PCDHGA5: variants seen among roughly 807,000 people sequenced by gnomAD.
The protein encoded by PCDHGA5 is protocadherin gamma subfamily A, 5, also known as protocadherin gamma-A5.
Under a neutral mutation model 56.7 loss-of-function variants are expected in PCDHGA5, and 36 were observed. The observed-to-expected ratio is 0.64, with a 90% confidence interval of 0.49 to 0.84. The LOEUF is 0.84. Ranked by LOEUF, PCDHGA5 falls within the 40% of genes least tolerant of loss-of-function variation. The pLI is 0.00. For synonymous variants in PCDHGA5, 563 were observed against 520.2 expected, an observed-to-expected ratio of 1.08 and a Z score of -1.12; for missense variants, 1,305 against 1,201.5, an observed-to-expected ratio of 1.09 and a Z score of -1.27.
At chr5:141,380,329 C>G (rs2150159068) in intron 1 of PCDHGA5, among the ~76,000 whole-genome samples, 1 of 152,142 alleles carries the variant, frequency 6.6e-6, no homozygotes, top group Non-Finnish European at 1.5e-5. Flanking sequence ...CTAAATGGAA[C>G]TTCAAAGAAC....
intron 1 of PCDHGA5, chr5:141,441,667 A>C: frequency 3.7e-6 from 1 of 267,984 alleles, no homozygotes; most frequent in Non-Finnish European, 7.4e-6. Flanking sequence ...TTGAGCGCAC[A>C]GTGCGCCTTC....
At chr5:141,390,506 T>A in intron 1 of PCDHGA5, 1 of 598,006 alleles carries the variant, frequency 1.7e-6, no homozygotes, top group Non-Finnish European at 2.9e-6. Context: ...CAAGCTTAGA[T>A]TTATAAAGCA....
chr5:141,449,588 CAAAAAAAAAAA>C (rs768743917), intron 1 of PCDHGA5, among the ~76,000 whole-genome samples: 1 of 57,492 alleles, frequency 1.7e-5, no homozygotes, highest in Non-Finnish European at 3.7e-5. Flanking sequence ...GACTCTGTCT[CAAAAAAAAAAA>C]AAAAAAAAGT....
At chr5:141,419,311 C>G (rs745852942) in intron 1 of PCDHGA5, 1 of 1,613,994 alleles carries the variant, frequency 6.2e-7, no homozygotes, top group Non-Finnish European at 8.5e-7. Flanking sequence ...TCGGGCTCAA[C>G]GGCCGTGTCT....
At chr5:141,446,718 C>T (rs1279970040) in intron 1 of PCDHGA5, among the ~76,000 whole-genome samples, 4 of 152,174 alleles carry the variant, frequency 2.6e-5, no homozygotes, top group South Asian at 2.1e-4. Flanking sequence ...CTGCCCGCCT[C>T]GGCCTCCCAA....
At chr5:141,409,786 C>A in intron 1 of PCDHGA5, 11 of 1,612,124 alleles carry the variant, frequency 6.8e-6, no homozygotes, top group Non-Finnish European at 9.3e-6. Flanking sequence ...TGCGCGCCTT[C>A]GCGCTCACGC....
chr5:141,494,746 C>A lies in PCDHGA5; in HGVS notation c.2422-61C>A. 3 of 1,613,088 alleles carry A rather than the reference C, an allele frequency of 1.9e-6. No individual in the cohort carries two copies. The South Asian group carries it at 3.3e-5, about 18-fold the overall frequency. On this transcript the variant is annotated intron_variant, in intron 1 of 3. Coordinates refer to ENST00000518069, the MANE Select transcript of PCDHGA5 (RefSeq NM_018918.3). ...TTCTCTCCCGGCCCATCCCTAGGGG[C>A]TCGGGTGACATTCTAACTTCTCACG...
At chr5:141,395,194 C>T (rs867640127) in intron 1 of PCDHGA5, 2 of 1,613,922 alleles carry the variant, frequency 1.2e-6, no homozygotes, top group Non-Finnish European at 1.7e-6. Context: ...TTGTTAACAT[C>T]CGTAGATTTT....
chr5:141,403,956 T>A (rs375951516), intron 1 of PCDHGA5: 6 of 1,613,884 alleles, frequency 3.7e-6, no homozygotes, highest in Non-Finnish European at 5.1e-6. Flanking sequence ...AAAGTGCTCA[T>A]TTCGGTGGAA....
At chr5:141,456,821 A>G (rs1432134342) in intron 1 of PCDHGA5, among the ~76,000 whole-genome samples, 2 of 151,744 alleles carry the variant, frequency 1.3e-5, no homozygotes, top group Admixed American at 6.6e-5. Context: ...AAAATTAGCC[A>G]TCGTGGTAGT....
chr5:141,410,222 G>A, intron 1 of PCDHGA5: 2 of 1,614,018 alleles, frequency 1.2e-6, no homozygotes, highest in South Asian at 2.2e-5. Flanking sequence ...GATACTGCCA[G>A]ACCTCAGCGA....
At chr5:141,378,443 A>C (rs1022226439) in intron 1 of PCDHGA5, 2 of 152,300 alleles carry the variant, frequency 1.3e-5, no homozygotes, top group Non-Finnish European at 2.9e-5. Context: ...GAATCGCTTG[A>C]ACCCATGAGG....
intron 1 of PCDHGA5, chr5:141,376,418 C>G (rs1354597104): frequency 6.2e-7 from 1 of 1,614,230 alleles, no homozygotes; most frequent in Admixed American, 1.7e-5. Context: ...TGCCGACACG[C>G]TTATCAACCA....
At chr5:141,373,462 G>C (rs1769608771) in intron 1 of PCDHGA5, among the ~76,000 whole-genome samples, 1 of 152,218 alleles carries the variant, frequency 6.6e-6, no homozygotes, top group African/African-American at 2.4e-5. Context: ...GGTAGCAGCT[G>C]CAATGAGCTA....
chr5:141,505,413 C>G lies in PCDHGA5; in HGVS notation c.2501C>G (p.Thr834Ser). ...CCCAGCTCCCAAAATGGCGATGACA[C>G]CGGCACCTGGCCCAACAACCAGTTT... Reference protein sequence around the residue: ...GTSGSQNGDDTGTWPNNQFDT... With the variant: ...GTSGSQNGDDSGTWPNNQFDT... Residue 834 changes from threonine to serine, a missense_variant, in exon 3 of 4, where the codon ACC (threonine) becomes AGC (serine). Physicochemically the swap from Thr to Ser is moderately conservative, Grantham distance 58. Coordinates refer to ENST00000518069, the MANE Select transcript of PCDHGA5 (RefSeq NM_018918.3). 2.5e-6 allele frequency: 4 copies of G among 1,614,202 alleles called. No individual in the cohort carries two copies. In the South Asian group the frequency reaches 4.4e-5, roughly 18 times the overall value.
chr5:141,432,537 C>T lies in PCDHGA5; in HGVS notation c.2422-62270C>T, dbSNP rs367578838. Reference sequence around the variant, plus strand: ...GGCTACCTGGTGACCAAGGTGGTGGCGGTGGACAGAGACTCCGGCCAGAAC... The same window carrying T: ...GGCTACCTGGTGACCAAGGTGGTGGTGGTGGACAGAGACTCCGGCCAGAAC... On this transcript the variant is annotated intron_variant, in intron 1 of 3. Transcript: ENST00000518069. This position sits in a 1 kb window ranked among gnomAD's most constrained non-coding sequence, Gnocchi z 6.0. The T allele has an allele frequency of 5.6e-6, 9 of 1,613,882 alleles. No homozygotes were observed. The African/African-American group carries it at 6.7e-5, about 12-fold the overall frequency.
chr5:141,483,436 C>T, intron 1 of PCDHGA5, among the ~76,000 whole-genome samples: 1 of 152,198 alleles, frequency 6.6e-6, no homozygotes, highest in Non-Finnish European at 1.5e-5. Context: ...GAGCTGACTA[C>T]AATAAAATCA....
chr5:141,491,110 C>T lies in PCDHGA5; in HGVS notation c.2422-3697C>T. On this transcript the variant is annotated intron_variant, in intron 1 of 3. Transcript: ENST00000518069. This position sits in a 1 kb window ranked among gnomAD's most constrained non-coding sequence, Gnocchi z 6.9. ...CCCAGGACTGTTCCTCGTGTCTACA[C>T]ACACTGGTGAGGTGCGCACAGCCCG... 3.7e-6 allele frequency: 6 copies of T among 1,614,212 alleles called. No individual in the cohort carries two copies. Among genetic ancestry groups the T allele is most frequent in the Non-Finnish European group, 5.1e-6 (6 of 1,180,024 alleles).
intron 1 of PCDHGA5, chr5:141,427,842 C>T: frequency 6.5e-7 from 1 of 1,549,268 alleles, no homozygotes. Flanking sequence ...TGCCTTCGAC[C>T]ACGAGCAGCT....
Sources: allele counts gnomAD v4.1 joint callset (sites outside exome capture counted in the v4.1 genomes callset), GRCh38; gene constraint gnomAD v4.1.1; non-coding constraint Gnocchi (gnomAD v3.1); transcripts MANE v1.5; gene names NCBI Gene and HGNC (gene_info 2026-07-23, HGNC 2026-07-21).